Variants in CNTNAP2 observed in about 807,000 individuals in gnomAD.
CNTNAP2 encodes contactin-associated protein-like 2.
A neutral mutation model predicts 155.2 loss-of-function variants in CNTNAP2; 98 were observed. That is an observed-to-expected ratio of 0.63 (90% CI 0.54 to 0.75). The LOEUF is 0.75. Ranked by LOEUF, CNTNAP2 falls within the 30% of genes least tolerant of loss-of-function variation. CNTNAP2 has a pLI of 0.00. For synonymous variants in CNTNAP2, 651 were observed against 631.2 expected (o/e 1.03, Z -0.47); for missense variants, 1,727 against 1,688.1 (o/e 1.02, Z -0.40).
Position 147,467,353 on chromosome 7 carries a change from G to A in CNTNAP2, c.1671-18582G>A, listed in dbSNP as rs146990451. Among the ~76,000 whole-genome samples the A allele has an allele frequency of 4.9e-4, 75 of 152,234 alleles. 1 individual carries two copies. The East Asian group carries it at 0.01, about 21-fold the overall frequency. On this transcript the variant is annotated intron_variant, in intron 10 of 23. Transcript: ENST00000361727. ...CCTTAAAATAATTTATTGCTTTCATGGTGATTTTATTGAAAACGTCACTTC... is the reference window on the plus strand; with the variant it reads ...CCTTAAAATAATTTATTGCTTTCATAGTGATTTTATTGAAAACGTCACTTC...
intron 8 of CNTNAP2, among the ~76,000 whole-genome samples, chr7:147,276,509 G>A (rs1804899857): frequency 6.6e-6 from 1 of 151,944 alleles, no homozygotes. Flanking sequence ...CATTGTCTCA[G>A]CTATGTTACA....
chr7:146,451,879 AC>A (rs1239611475), intron 1 of CNTNAP2, among the ~76,000 whole-genome samples: 2 of 59,384 alleles, frequency 3.4e-5, no homozygotes, highest in African/African-American at 3.5e-4. Context: ...ACGTATATAT[AC>A]ACATATACAT....
At chr7:148,302,705 C>T (rs977995211) in intron 21 of CNTNAP2, among the ~76,000 whole-genome samples, 2 of 152,068 alleles carry the variant, frequency 1.3e-5, no homozygotes. Flanking sequence ...TCTCGCCTGC[C>T]TACTTCCCCT....
intron 1 of CNTNAP2, among the ~76,000 whole-genome samples, chr7:146,581,621 T>C (rs1276798511): frequency 6.6e-6 from 1 of 151,394 alleles, no homozygotes; most frequent in Non-Finnish European, 1.5e-5. Context: ...CTCAATGTAA[T>C]GTATTATAAT....
intron 1 of CNTNAP2, among the ~76,000 whole-genome samples, chr7:146,617,005 G>C (rs578122101): frequency 3.0e-5 from 4 of 135,142 alleles, no homozygotes; most frequent in African/African-American, 6.1e-5. Flanking sequence ...TGTATTCCAG[G>C]AAACCTGGTT....
At chr7:147,071,782 T>C (rs1263595794) in intron 4 of CNTNAP2, among the ~76,000 whole-genome samples, 1 of 152,230 alleles carries the variant, frequency 6.6e-6, no homozygotes, top group Non-Finnish European at 1.5e-5. Context: ...TATGTAGTAC[T>C]AGACAGAGGA....
intron 8 of CNTNAP2, among the ~76,000 whole-genome samples, chr7:147,134,922 C>A (rs143646392): frequency 0.018 from 2,698 of 151,812 alleles, 65 homozygotes; most frequent in African/African-American, 0.061. Flanking sequence ...AGAAAAATAA[C>A]CAGTGATAAA....
At chr7:146,560,047 A>G (rs1286034913) in intron 1 of CNTNAP2, among the ~76,000 whole-genome samples, 3 of 152,198 alleles carry the variant, frequency 2.0e-5, no homozygotes, top group Non-Finnish European at 4.4e-5. Flanking sequence ...GCTTGCAGAA[A>G]CGTAATCATT....
chr7:148,172,305 C>A lies in CNTNAP2; in HGVS notation c.2837C>A (p.Thr946Lys), dbSNP rs758287508. 25 of 1,614,024 alleles carry A rather than the reference C, an allele frequency of 1.5e-5. No individual in the cohort carries two copies. Among genetic ancestry groups the A allele is most frequent in the Non-Finnish European group, 2.0e-5 (24 of 1,180,042 alleles). ...CGCTCCTTGAGGATGAATGGGGTGA[C>A]ACTTGACCTGGAGGAAAGAGCAAAG... Reference protein sequence around the residue: ...CIRSLRMNGVTLDLEERAKVT... With the variant: ...CIRSLRMNGVKLDLEERAKVT... The change falls in exon 18 of 24, where the codon ACA becomes AAA. Residue 946 changes from threonine to lysine, a missense_variant. Physicochemically the swap from Thr to Lys is moderately conservative, Grantham distance 78. Coordinates refer to ENST00000361727, the MANE Select transcript of CNTNAP2 (RefSeq NM_014141.6).
At chr7:147,647,889 C>A (rs1035465135) in intron 13 of CNTNAP2, among the ~76,000 whole-genome samples, 1 of 152,040 alleles carries the variant, frequency 6.6e-6, no homozygotes, top group Admixed American at 6.6e-5. Flanking sequence ...TAAGCAAAAG[C>A]AAGAAAATTG....
chr7:146,990,737 CAT>C (rs1022122824), intron 3 of CNTNAP2, among the ~76,000 whole-genome samples: 1 of 152,018 alleles, frequency 6.6e-6, no homozygotes, highest in South Asian at 2.1e-4. Flanking sequence ...TTGATTGACA[CAT>C]GTTTTGTGGT....
chr7:146,975,236 G>T (rs1241007437), intron 3 of CNTNAP2, among the ~76,000 whole-genome samples: 1 of 151,964 alleles, frequency 6.6e-6, no homozygotes, highest in Non-Finnish European at 1.5e-5. Context: ...AGGCCGAGGT[G>T]GATGGATCAC....
intron 15 of CNTNAP2, among the ~76,000 whole-genome samples, chr7:148,083,369 C>A (rs372842088): frequency 2.4e-4 from 37 of 152,314 alleles, no homozygotes; most frequent in African/African-American, 8.7e-4. Context: ...TCTGACTCCA[C>A]TTCGGTTCCC....
At chr7:147,188,749 A>T (rs1802619600) in intron 8 of CNTNAP2, among the ~76,000 whole-genome samples, 1 of 152,238 alleles carries the variant, frequency 6.6e-6, no homozygotes, top group South Asian at 2.1e-4. Flanking sequence ...GTAAACTGAA[A>T]TATGCAGTAG....
At chr7:148,218,936 CTTTTTTTTTTT>C (rs746349465) in intron 19 of CNTNAP2, among the ~76,000 whole-genome samples, 2 of 73,646 alleles carry the variant, frequency 2.7e-5, no homozygotes, top group Middle Eastern at 0.015. Flanking sequence ...TAAGATCACT[CTTTTTTTTTTT>C]TTTTTTTTTT....
At chr7:147,060,818 C>A (rs1338306827) in intron 4 of CNTNAP2, among the ~76,000 whole-genome samples, 1 of 151,368 alleles carries the variant, frequency 6.6e-6, no homozygotes, top group Non-Finnish European at 1.5e-5. Flanking sequence ...GAGCCGAGAC[C>A]GCGCCACTGC....
intron 1 of CNTNAP2, among the ~76,000 whole-genome samples, chr7:146,417,518 C>G (rs529833715): frequency 6.6e-6 from 1 of 152,254 alleles, no homozygotes; most frequent in African/African-American, 2.4e-5. Flanking sequence ...AACTTTAGAT[C>G]TTGGTCTGAA....
intron 10 of CNTNAP2, among the ~76,000 whole-genome samples, chr7:147,472,766 C>A (rs1234195761): frequency 6.6e-6 from 1 of 152,166 alleles, no homozygotes; most frequent in Non-Finnish European, 1.5e-5. Context: ...TGAAGAATGA[C>A]TTCTGGTTTC....
At chr7:146,757,287 C>A (rs1364536501) in intron 1 of CNTNAP2, among the ~76,000 whole-genome samples, 1 of 152,050 alleles carries the variant, frequency 6.6e-6, no homozygotes, top group African/African-American at 2.4e-5. Flanking sequence ...GATGATTTAT[C>A]TACGTCACAG....
Sources: gnomAD v4.1 joint callset for allele counts (sites outside exome capture counted in the v4.1 genomes callset) on GRCh38, gnomAD v4.1.1 for gene constraint, MANE v1.5 for transcripts, NCBI Gene and HGNC (gene_info 2026-07-23, HGNC 2026-07-21) for gene names.